The following PCDHA2 variants were observed in gnomAD, a reference collection of about 807,000 sequenced individuals.
PCDHA2 encodes protocadherin alpha-2.
In PCDHA2, 58 loss-of-function variants were observed where a neutral mutation model predicts 66.0. The ratio of observed to expected loss-of-function variants is 0.88; its 90% CI spans 0.71 to 1.09. The LOEUF (loss-of-function observed/expected upper bound fraction) is 1.09, where lower values mean the gene tolerates loss of function less well. Among genes scored for constraint, PCDHA2 ranks in the 50% least tolerant of loss-of-function variants. The pLI is 0.00. For synonymous variants in PCDHA2, 634 were observed against 554.0 expected (o/e 1.14, Z -2.03); for missense variants, 1,267 against 1,242.3 (o/e 1.02, Z -0.30).
chr5:140,881,332 C>T (rs923599590), intron 1 of PCDHA2: 7 of 984,540 alleles, frequency 7.1e-6, no homozygotes, highest in South Asian at 9.4e-5. Flanking sequence ...TTAACCAGGA[C>T]GCCGATTCGG....
chr5:140,797,028 C>A lies in PCDHA2; in HGVS notation c.2064C>A (p.Gly688=), dbSNP rs782536289. 3 of 1,613,732 alleles carry A rather than the reference C, an allele frequency of 1.9e-6. No homozygotes were observed. In the East Asian group the frequency reaches 6.7e-5, roughly 36 times the overall value. The stretch of plus-strand genomic sequence containing the variant: ...CGCGGGCGTGGGTGGGCGCCGCGGG[C>A]TCAGAGGCTACGCTGGTGGATGTCA... ...ASSRAWVGAA[G]SEATLVDVNV... is the part of the protein sequence containing the mutation. The change falls in exon 1 of 4, where the codon GGC becomes GGA. Residue 688 remains glycine (G), a synonymous_variant. Coordinates refer to ENST00000526136, the MANE Select transcript of PCDHA2 (RefSeq NM_018905.3).
At chr5:140,971,034 A>G (rs576529050) in intron 1 of PCDHA2, among the ~76,000 whole-genome samples, 1 of 152,202 alleles carries the variant, frequency 6.6e-6, no homozygotes, top group Non-Finnish European at 1.5e-5. Context: ...ATTTGAAAGC[A>G]CGTAAAAGGG....
At chr5:140,917,637 A>T (rs1257346290) in intron 1 of PCDHA2, among the ~76,000 whole-genome samples, 1 of 152,192 alleles carries the variant, frequency 6.6e-6, no homozygotes, top group Non-Finnish European at 1.5e-5. Context: ...TTAGCTAGTT[A>T]TCCCAGCAAT....
In PCDHA2 at chr5:140,870,824, G is replaced by A. The variant is rs1296646483; in HGVS notation, c.2388+73472G>A. On this transcript the variant is annotated intron_variant, in intron 1 of 3. Coordinates refer to ENST00000526136, the MANE Select transcript of PCDHA2 (RefSeq NM_018905.3). ...GCGACTCAGGCTGGCAGCGCGGGAG[G>A]CGCAGTTAACAAGCTAGTACCGCGG... 8.7e-6 allele frequency: 14 copies of A among 1,613,638 alleles called. No homozygotes were observed. The East Asian group carries it at 2.9e-4, about 33-fold the overall frequency.
At chr5:140,927,478 C>A (rs959432734) in intron 1 of PCDHA2, 1 of 1,614,062 alleles carries the variant, frequency 6.2e-7, no homozygotes, top group Non-Finnish European at 8.5e-7. Context: ...TCGCGAACAG[C>A]GCGCCACCCA....
chr5:140,803,162 T>C (rs782318997), intron 1 of PCDHA2: 1 of 1,613,856 alleles, frequency 6.2e-7, no homozygotes, highest in Non-Finnish European at 8.5e-7. Context: ...AGGACCACGG[T>C]GAACCCTCAT....
At chr5:140,887,048 A>G (rs997240150) in intron 1 of PCDHA2, among the ~76,000 whole-genome samples, 21 of 152,068 alleles carry the variant, frequency 1.4e-4, no homozygotes, top group Admixed American at 1.4e-3. Context: ...TTTATAGTGC[A>G]TATGTTCTGG....
chr5:140,856,176 T>C lies in PCDHA2; in HGVS notation c.2388+58824T>C, dbSNP rs782159422. ...TACGAGGAGGCCAGACACGGCACCT[T>C]CGTGGGCCGCATCGCGCAGGACCTG... On this transcript the variant is annotated intron_variant, in intron 1 of 3. Coordinates refer to ENST00000526136, the MANE Select transcript of PCDHA2 (RefSeq NM_018905.3). 5 of 1,598,130 alleles carry C rather than the reference T, an allele frequency of 3.1e-6. No homozygotes were observed. In the South Asian group the frequency reaches 5.5e-5, roughly 18 times the overall value.
intron 1 of PCDHA2, chr5:140,808,837 G>A (rs1764276126): frequency 6.8e-6 from 11 of 1,613,056 alleles, no homozygotes; most frequent in African/African-American, 2.7e-5. Context: ...GCAACGTGAC[G>A]CTGCAGGTGT....
At chr5:140,841,667 G>A in intron 1 of PCDHA2, 1 of 1,614,090 alleles carries the variant, frequency 6.2e-7, no homozygotes, top group Non-Finnish European at 8.5e-7. Flanking sequence ...GCCGCTGCAG[G>A]TTTTCCATGT....
chr5:140,796,744 G>T lies in PCDHA2; in HGVS notation c.1780G>T (p.Val594Leu). 1 of 1,614,148 alleles carries T rather than the reference G, an allele frequency of 6.2e-7. No individual in the cohort carries two copies. The highest frequency in any genetic ancestry group is 8.5e-7 in the Non-Finnish European group (1 of 1,179,972). Residue 594 changes from valine (V) to leucine (L), a missense_variant, in exon 1 of 4, where the codon GTG (valine) becomes TTG (leucine). By Grantham distance (32) the Val-to-Leu change is conservative. Transcript: ENST00000526136. ...SVGAGHVVAKVRAVDADSGYN... is the reference protein window; with the variant it reads ...SVGAGHVVAKLRAVDADSGYN... ...GGGTGCAGGGCACGTGGTGGCGAAG[G>T]TGCGCGCAGTGGACGCTGACTCAGG...
At chr5:140,870,876 GA>G (rs34601225) in intron 1 of PCDHA2, 1 of 1,613,958 alleles carries the variant, frequency 6.2e-7, no homozygotes, top group Non-Finnish European at 8.5e-7. Flanking sequence ...ACGTGGTGGC[GA>G]AGGTGCGCGC....
intron 1 of PCDHA2, chr5:140,856,070 C>G (rs533914587): frequency 1.3e-6 from 2 of 1,591,758 alleles, no homozygotes; most frequent in South Asian, 2.2e-5. Context: ...ATGTAGCTGC[C>G]TGGGGGTCCA....
intron 1 of PCDHA2, chr5:140,929,493 A>G: frequency 9.4e-7 from 1 of 1,059,368 alleles, no homozygotes; most frequent in Non-Finnish European, 1.3e-6. Flanking sequence ...GTATTAGAAG[A>G]TTGCCCTAGG....
At chr5:140,927,678 A>G in intron 1 of PCDHA2, 1 of 1,614,180 alleles carries the variant, frequency 6.2e-7, no homozygotes, top group Non-Finnish European at 8.5e-7. Context: ...ATCCAGATGA[A>G]GGGTCCAATG....
intron 1 of PCDHA2, chr5:140,862,180 CA>C (rs1408132694): frequency 6.0e-6 from 1 of 165,728 alleles, no homozygotes; most frequent in African/African-American, 2.4e-5. Context: ...GCAGTTGACA[CA>C]GGCAATTCCC....
At position 140,829,844 on chromosome 5, in the gene PCDHA2, C is replaced by A. The variant is rs2150175965; in HGVS notation, c.2388+32492C>A. The A allele has an allele frequency of 1.9e-6, 3 of 1,613,922 alleles. No individual in the cohort carries two copies. The Admixed American group carries it at 5.0e-5, about 27-fold the overall frequency. ...AGTGAGCGAGCTGGTGCCGCGGTCA[C>A]TGGGTGCAGGCCAAGTGGTGGCGAA... On this transcript the variant is annotated intron_variant, in intron 1 of 3. Transcript: ENST00000526136.
At chr5:140,809,636 A>G in intron 1 of PCDHA2, 2 of 1,502,950 alleles carry the variant, frequency 1.3e-6, no homozygotes, top group Non-Finnish European at 1.8e-6. Flanking sequence ...TTCTTCGTAA[A>G]TTTATTTCTA....
intron 1 of PCDHA2, among the ~76,000 whole-genome samples, chr5:140,878,373 T>G (rs944129613): frequency 2.2e-4 from 34 of 152,258 alleles, no homozygotes; most frequent in African/African-American, 8.0e-4. Flanking sequence ...TGACATATGA[T>G]GAATGATTTT....
Sources: gnomAD v4.1 joint callset for allele counts (sites outside exome capture counted in the v4.1 genomes callset) on GRCh38, gnomAD v4.1.1 for gene constraint, MANE v1.5 for transcripts, NCBI Gene and HGNC (gene_info 2026-07-23, HGNC 2026-07-21) for gene names.